Variants in METTL23 observed in about 807,000 individuals in gnomAD.
The protein encoded by METTL23 is histone-arginine methyltransferase METTL23.
In METTL23, 24 loss-of-function variants were observed where a neutral mutation model predicts 21.2. The ratio of observed to expected loss-of-function variants is 1.13; its 90% CI spans 0.82 to 1.59. The LOEUF (loss-of-function observed/expected upper bound fraction) is 1.59. METTL23 is among the 40% of genes most tolerant of loss of function. METTL23 has a pLI of 0.00. For missense variants in METTL23, 276 were observed against 221.4 expected, an observed-to-expected ratio of 1.25 and a Z score of -1.57; for synonymous variants, 97 against 75.2, an observed-to-expected ratio of 1.29 and a Z score of -1.50.
In METTL23 at chr17:76,733,569, TG is replaced by T. The variant is rs1479885318; in HGVS notation, c.457del (p.Val153SerfsTer15). ...TACTCTACAAATGGGATATGAAATG[TG>T]TCCACATTCCTCTTGAGTCTTTTGA... is the stretch of plus-strand genomic sequence containing the variant. ...ALLYKWDMKC[V>X]HIPLESFDAD... is the part of the protein sequence containing the mutation. On this transcript the variant is annotated frameshift_variant, in exon 5 of 5. Coordinates refer to ENST00000341249, the MANE Select transcript of METTL23 (RefSeq NM_001080510.5). LOFTEE classifies it high-confidence loss of function. 1 of 1,613,840 alleles carries T rather than the reference TG, an allele frequency of 6.2e-7. No homozygotes were observed. Among genetic ancestry groups the T allele is most frequent in the African/African-American group, 1.3e-5 (1 of 74,930 alleles).
upstream of METTL23, chr17:76,726,803 C>CCG (rs1478837016): frequency 1.0e-5 from 4 of 390,400 alleles, no homozygotes; most frequent in African/African-American, 8.4e-5. Flanking sequence ...CCGCCCCGCC[C>CCG]CGCCCCTCCC....
intron 1 of METTL23, among the ~76,000 whole-genome samples, chr17:76,729,212 G>A (rs2077095250): frequency 6.6e-6 from 1 of 151,918 alleles, no homozygotes; most frequent in Non-Finnish European, 1.5e-5. Flanking sequence ...CGCCTCAGCT[G>A]GGATTACAGG....
In METTL23 at chr17:76,732,496, C is replaced by CAA. The variant is rs35371040; in HGVS notation, c.85-471_85-470dup. Among the ~76,000 whole-genome samples the CAA allele has an allele frequency of 6.8e-3, 957 of 139,908 alleles. 11 individuals are homozygous for CAA. The highest frequency in any genetic ancestry group is 0.023 in the African/African-American group (880 of 38,522). The allele number at this position is 139,908 out of a possible 152,430, so 91.8% of individuals were successfully genotyped here. ...CTGAGCAACAAGAGCCAAACGCTCT[C>CAA]AAAAAAAAAAAATTAGCTGGGCTTG... On this transcript the variant is annotated intron_variant, in intron 2 of 4. Transcript: ENST00000341249.
intron 2 of METTL23, among the ~76,000 whole-genome samples, chr17:76,730,521 C>T (rs1008176737): frequency 3.3e-5 from 5 of 152,130 alleles, no homozygotes; most frequent in African/African-American, 7.2e-5. Context: ...GTTTGCTGAC[C>T]GCTATTCTAG....
At chr17:76,731,710 A>C (rs1401707351) in intron 2 of METTL23, among the ~76,000 whole-genome samples, 3 of 152,232 alleles carry the variant, frequency 2.0e-5, no homozygotes, top group Non-Finnish European at 2.9e-5. Flanking sequence ...ACCATACTTA[A>C]GACCAAAGGC....
intron 1 of METTL23, 91 bp downstream of exon 1, chr17:76,727,269 A>G (rs1358583282): frequency 2.3e-5 from 8 of 347,758 alleles, no homozygotes; most frequent in Non-Finnish European, 1.1e-5. Context: ...GGGGGTGCGG[A>G]CGCTCAGCTG....
chr17:76,726,811 C>T (rs1190224745), upstream of METTL23: 1 of 393,764 alleles, frequency 2.5e-6, no homozygotes, highest in Non-Finnish European at 4.9e-6. Flanking sequence ...CCCCGCCCCT[C>T]CCCTCCCGCG....
intron 2 of METTL23, among the ~76,000 whole-genome samples, chr17:76,730,065 G>T (rs929808601): frequency 1.6e-4 from 24 of 151,704 alleles, no homozygotes; most frequent in African/African-American, 5.8e-4. Flanking sequence ...GCTGAGGCGG[G>T]TGCATCATTT....
At chr17:76,727,730 TTTTTC>T (rs1337013287) in intron 1 of METTL23, among the ~76,000 whole-genome samples, 1 of 152,234 alleles carries the variant, frequency 6.6e-6, no homozygotes, top group Non-Finnish European at 1.5e-5. Flanking sequence ...ATAATAATTC[TTTTTC>T]TTTTCTTTTT....
chr17:76,726,655 G>T, upstream of METTL23: 1 of 861,994 alleles, frequency 1.2e-6, no homozygotes, highest in Non-Finnish European at 1.7e-6. Flanking sequence ...CCGAGCCTCG[G>T]GTTGGGCAAG....
In METTL23 at chr17:76,733,017, A is replaced by G; in HGVS notation, c.124A>G (p.Lys42Glu). The G allele has an allele frequency of 3.8e-6, 6 of 1,592,910 alleles. No individual in the cohort carries two copies. Among genetic ancestry groups the G allele is most frequent in the Non-Finnish European group, 4.3e-6 (5 of 1,168,616 alleles). The part of the protein sequence containing the change: ...GVSLPGILAA[K>E]CGAEVILSDS... ...GAGCCTTCCAGGAATTTTGGCTGCC[A>G]AATGTGGTGCAGAAGTAATACTGTC... is the stretch of plus-strand genomic sequence containing the variant. The change falls in exon 3 of 5, where the codon AAA becomes GAA. Residue 42 changes from lysine (K) to glutamate (E), a missense_variant. Coordinates refer to ENST00000341249, the MANE Select transcript of METTL23 (RefSeq NM_001080510.5).
intron 2 of METTL23, among the ~76,000 whole-genome samples, chr17:76,732,046 T>G (rs1413371358): frequency 6.6e-6 from 1 of 152,208 alleles, no homozygotes; most frequent in Admixed American, 6.5e-5. Context: ...AGCAATCAAC[T>G]ATAGAACATG....
rs1302334889 is a variant in METTL23, at chr17:76,726,973, C to T, written c.-227C>T. ...GCTTTCCCCTTCTTGCCGTCAGGTGCTACGGCCACGTGGCCCGCGGCTTCC... is the reference window on the plus strand; with the variant it reads ...GCTTTCCCCTTCTTGCCGTCAGGTGTTACGGCCACGTGGCCCGCGGCTTCC... On this transcript the variant is annotated 5_prime_UTR_variant, in exon 1 of 5. Transcript: ENST00000341249. 2.2e-6 allele frequency: 1 copy of T among 456,644 alleles called. No homozygotes were observed. The highest frequency in any genetic ancestry group is 4.4e-6 in the Non-Finnish European group (1 of 226,912). 28.3% of individuals were successfully genotyped at this position (456,644 alleles called of 1,614,324 possible). A position where few individuals can be genotyped will look rare whatever the true frequency, so the allele number is the denominator to read the frequency against.
At position 76,733,548 on chromosome 17, in the gene METTL23, C is replaced by T. The variant is rs777437823; in HGVS notation, c.435C>T (p.Leu145=). 8.7e-6 allele frequency: 14 copies of T among 1,613,190 alleles called. No individual in the cohort carries two copies. The highest frequency in any genetic ancestry group is 2.7e-5 in the African/African-American group (2 of 74,948). Residue 145 remains leucine (L), a synonymous_variant, in exon 5 of 5, where the codon CTC becomes CTT. Coordinates refer to ENST00000341249, the MANE Select transcript of METTL23 (RefSeq NM_001080510.5). ...CTGACTGGTCACTTGAAGCTTTACTCTACAAATGGGATATGAAATGTGTCC... is the reference window on the plus strand; with the variant it reads ...CTGACTGGTCACTTGAAGCTTTACTTTACAAATGGGATATGAAATGTGTCC... The part of the protein sequence containing the change: ...RSADWSLEAL[L]YKWDMKCVHI...
rs774676574 is a variant in METTL23, at chr17:76,733,109, A to G, written c.216A>G (p.Pro72=). The G allele has an allele frequency of 3.7e-6, 6 of 1,613,282 alleles. No individual in the cohort carries two copies. The highest frequency in any genetic ancestry group is 2.7e-5 in the African/African-American group (2 of 74,930). ...AAAGCTGCCAAATGAATAACCTGCCACATCTGCAGGTGGTAGGACTAACAT... is the reference window on the plus strand; with the variant it reads ...AAAGCTGCCAAATGAATAACCTGCCGCATCTGCAGGTGGTAGGACTAACAT... ...CRQSCQMNNL[P]HLQVVGLTWG... The change falls in exon 3 of 5, where the codon CCA becomes CCG. Residue 72 remains proline (P), a synonymous_variant. Coordinates refer to ENST00000341249, the MANE Select transcript of METTL23 (RefSeq NM_001080510.5).
chr17:76,727,267 G>C lies in METTL23; in HGVS notation c.-22+89G>C, dbSNP rs924299579. ...TGGGTTCCTGAGGGACCGGGGGTGC[G>C]GACGCTCAGCTGCGCAGCTTCCTGC... On this transcript the variant is annotated intron_variant, in intron 1 of 4. Coordinates refer to ENST00000341249, the MANE Select transcript of METTL23 (RefSeq NM_001080510.5). The C allele has an allele frequency of 1.1e-5, 4 of 347,994 alleles. No individual in the cohort carries two copies. The East Asian group carries it at 3.1e-4, about 27-fold the overall frequency. The allele number at this position is 347,994 out of a possible 1,614,324, so 21.6% of individuals were successfully genotyped here. A position where few individuals can be genotyped will look rare whatever the true frequency, so the allele number is the denominator to read the frequency against.
rs1450892496 is a variant in METTL23 at position 76,729,559 on chromosome 17, A to G, written c.-21-131A>G. ...CATTGCATTGCAGTTTTATATCCCC[A>G]AAGGTCGTGGATTGGTGAACAGGGC... is the stretch of plus-strand genomic sequence containing the variant. On this transcript the variant is annotated intron_variant, in intron 1 of 4. Coordinates refer to ENST00000341249, the MANE Select transcript of METTL23 (RefSeq NM_001080510.5). The G allele has an allele frequency of 4.7e-6, 3 of 631,740 alleles. No individual in the cohort carries two copies. In the South Asian group the frequency reaches 5.7e-5, roughly 12 times the overall value. The allele number at this position is 631,740 out of a possible 1,614,324, so 39.1% of individuals were successfully genotyped here.
intron 1 of METTL23, among the ~76,000 whole-genome samples, chr17:76,729,376 C>T (rs552353356): frequency 3.2e-4 from 49 of 152,304 alleles, no homozygotes; most frequent in African/African-American, 8.7e-4. Context: ...TCACCGTGCC[C>T]GGCCCCTGAC....
chr17:76,729,094 C>T (rs535235205), intron 1 of METTL23, among the ~76,000 whole-genome samples: 26 of 150,560 alleles, frequency 1.7e-4, no homozygotes, highest in East Asian at 1.2e-3. Context: ...CCACCACGCC[C>T]GGCCATTTTT....
Sources: gnomAD v4.1 joint callset for allele counts (sites outside exome capture counted in the v4.1 genomes callset) on GRCh38, gnomAD v4.1.1 for gene constraint, MANE v1.5 for transcripts, NCBI Gene and HGNC (gene_info 2026-07-23, HGNC 2026-07-21) for gene names.